The following CDH18 variants were observed in gnomAD, a reference collection of about 807,000 sequenced individuals.
CDH18 encodes the protein cadherin-18.
CDH18 carries 31 observed loss-of-function variants against 67.9 expected under a neutral mutation model. The observed-to-expected ratio is 0.46, with a 90% CI of 0.34 to 0.62. The LOEUF (loss-of-function observed/expected upper bound fraction) is 0.62. Ranked by LOEUF, CDH18 falls within the 20% of genes least tolerant of loss-of-function variation. The probability of loss-of-function intolerance (pLI) is 0.01; values close to 1 mark genes in which losing one functional copy is unlikely to be tolerated. For synonymous variants in CDH18, 362 were observed against 347.2 expected, an observed-to-expected ratio of 1.04 and a Z score of -0.48; for missense variants, 890 against 975.5, an observed-to-expected ratio of 0.91 and a Z score of 1.17.
intron 1 of CDH18, among the ~76,000 whole-genome samples, chr5:20,376,563 TA>T (rs529874090): frequency 0.21 from 28,114 of 134,292 alleles, 2,913 homozygotes; most frequent in African/African-American, 0.28. Context: ...TTTGCTTAAT[TA>T]AAAAAAAAAA....
chr5:20,139,382 A>G (rs1015529509), intron 2 of CDH18, among the ~76,000 whole-genome samples: 1 of 152,196 alleles, frequency 6.6e-6, no homozygotes, highest in African/African-American at 2.4e-5. Flanking sequence ...AACCCAGGAA[A>G]TTCCATTCAG....
chr5:19,953,446 TTC>T (rs1198302170), intron 2 of CDH18, among the ~76,000 whole-genome samples: 1 of 151,998 alleles, frequency 6.6e-6, no homozygotes, highest in Admixed American at 6.6e-5. Context: ...TCCTTAGAAT[TTC>T]TGTTTGTTTA....
At chr5:19,638,977 GT>G (rs34631530) in intron 5 of CDH18, among the ~76,000 whole-genome samples, 92 of 54,684 alleles carry the variant, frequency 1.7e-3, no homozygotes, top group East Asian at 5.1e-3. Context: ...TTTTGTTGCT[GT>G]TTTTTTTTTT....
chr5:19,837,233 G>GA (rs1222638398), intron 3 of CDH18, among the ~76,000 whole-genome samples: 3 of 151,960 alleles, frequency 2.0e-5, no homozygotes, highest in African/African-American at 7.3e-5. Context: ...CACAGAGTGG[G>GA]AAAAAACACA....
intron 6 of CDH18, among the ~76,000 whole-genome samples, chr5:19,598,620 A>G (rs1304801472): frequency 3.3e-5 from 5 of 152,152 alleles, no homozygotes; most frequent in Non-Finnish European, 7.4e-5. Context: ...AAATGAAAAA[A>G]CTAAATGATA....
At position 20,471,223 on chromosome 5, in the gene CDH18, A is replaced by G. The variant is rs993287510; in HGVS notation, c.-580+104239T>C. Among the ~76,000 whole-genome samples, 95 of 152,060 alleles carry G rather than the reference A, an allele frequency of 6.2e-4. 1 individual carries two copies. Among genetic ancestry groups the G allele is most frequent in the Non-Finnish European group, 1.8e-4 (12 of 68,024 alleles). ...CTGTTGATCACTTCCACTTTCTGTA[A>G]ACTCAGTTTCATAAATACTGCTTTC... On this transcript the variant is annotated intron_variant, in intron 1 of 14. Transcript: ENST00000507958.
At chr5:20,306,340 G>A (rs1736451056) in intron 1 of CDH18, among the ~76,000 whole-genome samples, 1 of 151,792 alleles carries the variant, frequency 6.6e-6, no homozygotes. Flanking sequence ...ATAATTGTTG[G>A]TAACATTAAT....
Position 20,008,890 on chromosome 5 carries a change from G to A in CDH18, c.-517-16876C>T, listed in dbSNP as rs542158084. On this transcript the variant is annotated intron_variant, in intron 2 of 14. Transcript: ENST00000507958. The stretch of plus-strand genomic sequence containing the variant: ...ACAGCGATACATGAGAAGCAGACTT[G>A]TAAAGGTGAAAATGGAAATAAGGAA... Among the ~76,000 whole-genome samples, 50 of 152,226 alleles carry A rather than the reference G, an allele frequency of 3.3e-4. 1 individual carries two copies. The South Asian group carries it at 9.7e-3, about 30-fold the overall frequency.
intron 11 of CDH18, among the ~76,000 whole-genome samples, chr5:19,499,762 G>T (rs543584235): frequency 1.3e-5 from 2 of 151,694 alleles, no homozygotes; most frequent in African/African-American, 2.4e-5. Flanking sequence ...TTAAATTTTT[G>T]GTTCTCAGGC....
intron 3 of CDH18, among the ~76,000 whole-genome samples, chr5:19,758,565 T>C (rs753341668): frequency 6.6e-6 from 1 of 152,218 alleles, no homozygotes; most frequent in Non-Finnish European, 1.5e-5. Flanking sequence ...CCACTCATAA[T>C]TGGCAGACTT....
intron 2 of CDH18, among the ~76,000 whole-genome samples, chr5:19,946,571 A>T (rs1795304887): frequency 6.6e-6 from 1 of 152,154 alleles, no homozygotes; most frequent in South Asian, 2.1e-4. Flanking sequence ...AATGGGGAGG[A>T]TAAAGAAAGA....
intron 2 of CDH18, among the ~76,000 whole-genome samples, chr5:20,188,893 C>T (rs1170755956): frequency 2.0e-5 from 3 of 147,544 alleles, no homozygotes. Context: ...ATATACTTTC[C>T]ATTTTGAACA....
intron 1 of CDH18, among the ~76,000 whole-genome samples, chr5:20,336,835 T>A (rs1413445131): frequency 1.3e-5 from 2 of 150,550 alleles, no homozygotes; most frequent in African/African-American, 4.9e-5. Context: ...AACCTAAATG[T>A]CCTTAACTTG....
At chr5:20,217,357 T>TA (rs1740863297) in intron 2 of CDH18, among the ~76,000 whole-genome samples, 1 of 151,426 alleles carries the variant, frequency 6.6e-6, no homozygotes, top group Admixed American at 6.6e-5. Context: ...ACAACAGAAA[T>TA]AAAAGGGAAA....
intron 5 of CDH18, among the ~76,000 whole-genome samples, chr5:19,658,722 T>C (rs1756749519): frequency 6.6e-6 from 1 of 151,924 alleles, no homozygotes; most frequent in African/African-American, 2.4e-5. Context: ...TACATATATA[T>C]ACATGCGCCA....
chr5:19,579,062 G>A (rs1742787793), intron 7 of CDH18, among the ~76,000 whole-genome samples: 1 of 151,930 alleles, frequency 6.6e-6, no homozygotes, highest in African/African-American at 2.4e-5. Context: ...CCAGAATGCA[G>A]AGAATGATTT....
At chr5:19,533,147 C>T (rs184047193) in intron 9 of CDH18, among the ~76,000 whole-genome samples, 2 of 152,258 alleles carry the variant, frequency 1.3e-5, no homozygotes, top group Middle Eastern at 3.4e-3. Context: ...CAATTCAATA[C>T]ATAGAGAAGC....
At chr5:20,082,828 G>T (rs1048055880) in intron 2 of CDH18, among the ~76,000 whole-genome samples, 11 of 152,172 alleles carry the variant, frequency 7.2e-5, no homozygotes, top group African/African-American at 2.7e-4. Flanking sequence ...TGCCAGTCAA[G>T]AAATGCTTGT....
At chr5:19,661,053 G>T (rs1485532857) in intron 5 of CDH18, among the ~76,000 whole-genome samples, 1 of 150,246 alleles carries the variant, frequency 6.7e-6, no homozygotes, top group Non-Finnish European at 1.5e-5. Context: ...ATCAAAGAAA[G>T]AAAAAAACAA....
Sources: gnomAD v4.1 joint callset for allele counts (sites outside exome capture counted in the v4.1 genomes callset) on GRCh38, gnomAD v4.1.1 for gene constraint, MANE v1.5 for transcripts, NCBI Gene and HGNC (gene_info 2026-07-23, HGNC 2026-07-21) for gene names.